ADGRL3: variants seen among roughly 807,000 people sequenced by gnomAD.
ADGRL3 encodes calcium-independent alpha-latrotoxin receptor 3.
ADGRL3 carries 62 observed loss-of-function variants against 153.5 expected under a neutral mutation model. The ratio of observed to expected loss-of-function variants is 0.40; its 90% confidence interval spans 0.33 to 0.50. The LOEUF is 0.50. ADGRL3 is among the 20% of genes least tolerant of loss of function. The pLI is 0.47. For synonymous variants in ADGRL3, 710 were observed against 672.5 expected (o/e 1.06, Z -0.86); for missense variants, 1,641 against 1,859.4 (o/e 0.88, Z 2.16).
At chr4:61,763,283 G>T (rs2096934994) in intron 8 of ADGRL3, among the ~76,000 whole-genome samples, 1 of 150,866 alleles carries the variant, frequency 6.6e-6, no homozygotes. Context: ...TGCCTCCCAG[G>T]TTCAAACAAT....
intron 1 of ADGRL3, among the ~76,000 whole-genome samples, chr4:61,263,796 A>G (rs1301385715): frequency 6.6e-6 from 1 of 152,000 alleles, no homozygotes; most frequent in African/African-American, 2.4e-5. Context: ...CAACACCCAT[A>G]CCATAAAGTA....
rs184267422 is a variant in ADGRL3 at position 61,782,669 on chromosome 4, A to G, written c.1400-31140A>G. On this transcript the variant is annotated intron_variant, in intron 8 of 26. Transcript: ENST00000683033. ...TTTTCCCTCTTAACCTAAAACTACT[A>G]AATGGTAGAAAATGGAAGCTTACTT... is the stretch of plus-strand genomic sequence containing the variant. Among the ~76,000 whole-genome samples the G allele has an allele frequency of 2.0e-3, 312 of 152,310 alleles. 3 individuals carry two copies. Among genetic ancestry groups the G allele is most frequent in the African/African-American group, 7.2e-3 (299 of 41,580 alleles).
chr4:61,284,737 T>C (rs2093863890), intron 1 of ADGRL3, among the ~76,000 whole-genome samples: 1 of 151,810 alleles, frequency 6.6e-6, no homozygotes, highest in African/African-American at 2.4e-5. Flanking sequence ...TTAGGATTGG[T>C]TGTGTGCTTT....
chr4:62,030,502 A>C (rs1216487098), intron 22 of ADGRL3, among the ~76,000 whole-genome samples: 1 of 151,572 alleles, frequency 6.6e-6, no homozygotes, highest in Non-Finnish European at 1.5e-5. Flanking sequence ...TTGCAAGAAC[A>C]TTTTATCTTG....
intron 2 of ADGRL3, among the ~76,000 whole-genome samples, chr4:61,396,542 T>C (rs1196687598): frequency 6.6e-6 from 1 of 151,962 alleles, no homozygotes; most frequent in Non-Finnish European, 1.5e-5. Flanking sequence ...TCAGTCGAAC[T>C]GAGGTGTTTG....
intron 1 of ADGRL3, among the ~76,000 whole-genome samples, chr4:61,241,941 A>G (rs1394555811): frequency 6.6e-6 from 1 of 152,046 alleles, no homozygotes; most frequent in South Asian, 2.1e-4. Flanking sequence ...TCTTTGCATT[A>G]TTCTTAGAAT....
intron 8 of ADGRL3, among the ~76,000 whole-genome samples, chr4:61,746,565 A>T (rs967128842): frequency 1.3e-5 from 2 of 152,022 alleles, no homozygotes; most frequent in Non-Finnish European, 2.9e-5. Context: ...ACTCAAAACC[A>T]CTCAACTACA....
At chr4:61,269,819 C>A (rs374223555) in intron 1 of ADGRL3, among the ~76,000 whole-genome samples, 28 of 151,810 alleles carry the variant, frequency 1.8e-4, no homozygotes, top group African/African-American at 6.7e-4. Flanking sequence ...CCATTTAATT[C>A]ATTTCATTAA....
chr4:61,964,422 A>AT (rs1368139879), intron 17 of ADGRL3, among the ~76,000 whole-genome samples: 6 of 152,284 alleles, frequency 3.9e-5, no homozygotes, highest in East Asian at 1.9e-4. Flanking sequence ...AAAAATAATG[A>AT]TTTTATCTAC....
chr4:61,753,052 G>A (rs890883782), intron 8 of ADGRL3, among the ~76,000 whole-genome samples: 2 of 151,952 alleles, frequency 1.3e-5, no homozygotes, highest in African/African-American at 4.8e-5. Context: ...AAACTGAGTT[G>A]GTAGATTGTC....
At chr4:61,793,048 G>A (rs1382422540) in intron 8 of ADGRL3, among the ~76,000 whole-genome samples, 2 of 151,780 alleles carry the variant, frequency 1.3e-5, no homozygotes, top group Non-Finnish European at 2.9e-5. Flanking sequence ...AATCATGGCA[G>A]AAGGCAAGGA....
chr4:61,557,248 T>C (rs2098771351), intron 4 of ADGRL3, among the ~76,000 whole-genome samples: 1 of 152,168 alleles, frequency 6.6e-6, no homozygotes, highest in Non-Finnish European at 1.5e-5. Flanking sequence ...TTTAATGTGC[T>C]ATCAGTTTAA....
intron 21 of ADGRL3, among the ~76,000 whole-genome samples, chr4:62,026,329 G>A (rs1718534832): frequency 6.6e-6 from 1 of 152,006 alleles, no homozygotes; most frequent in Non-Finnish European, 1.5e-5. Context: ...AAATTGTAAA[G>A]AGGAGACCAA....
chr4:61,938,750 C>T (rs1374742898), intron 15 of ADGRL3, among the ~76,000 whole-genome samples: 2 of 149,662 alleles, frequency 1.3e-5, no homozygotes, highest in Admixed American at 6.8e-5. Context: ...CCCAGAGCAA[C>T]GTCTCCGCAA....
At chr4:61,912,796 A>G (rs1190432492) in intron 13 of ADGRL3, 39 bp downstream of exon 13, 8 of 1,588,490 alleles carry the variant, frequency 5.0e-6, no homozygotes, top group Admixed American at 5.0e-5. Flanking sequence ...AAGTTGTTGA[A>G]TGTCTCTGTT....
rs184726183 is a variant in ADGRL3, at chr4:61,978,640, T to C, written c.2806-923T>C. Among the ~76,000 whole-genome samples, 405 of 151,850 alleles carry C rather than the reference T, an allele frequency of 2.7e-3. 4 individuals are homozygous for C. The highest frequency in any genetic ancestry group is 6.9e-3 in the Middle Eastern group (2 of 290). ...TTTTTAGTGTAGGGACAAAATATCT[T>C]AAGGTGGAAATAAGAGTTCTGAATC... On this transcript the variant is annotated intron_variant, in intron 17 of 26. Coordinates refer to ENST00000683033, the MANE Select transcript of ADGRL3 (RefSeq NM_001387552.1).
intron 1 of ADGRL3, among the ~76,000 whole-genome samples, chr4:61,213,733 C>T (rs979255717): frequency 2.0e-5 from 3 of 152,112 alleles, no homozygotes; most frequent in East Asian, 1.9e-4. Context: ...TAAAATATTT[C>T]GTAATGTAGA....
intron 17 of ADGRL3, among the ~76,000 whole-genome samples, chr4:61,975,464 A>G (rs2099044688): frequency 6.6e-6 from 1 of 152,152 alleles, no homozygotes; most frequent in East Asian, 1.9e-4. Context: ...GGAAGGGAAA[A>G]ATAGGAAATG....
intron 5 of ADGRL3, among the ~76,000 whole-genome samples, chr4:61,624,448 C>T (rs1439047569): frequency 2.6e-5 from 4 of 151,948 alleles, no homozygotes; most frequent in African/African-American, 9.7e-5. Flanking sequence ...GAAAGAAAAC[C>T]TGGAAGAAGA....
Sources: allele counts gnomAD v4.1 joint callset (sites outside exome capture counted in the v4.1 genomes callset), GRCh38; gene constraint gnomAD v4.1.1; transcripts MANE v1.5; gene names NCBI Gene and HGNC (gene_info 2026-07-23, HGNC 2026-07-21).